TDRD9: variants seen among roughly 807,000 people sequenced by gnomAD.
TDRD9 encodes the protein tudor domain containing 9, also known as ATP-dependent RNA helicase TDRD9.
TDRD9 carries 124 observed loss-of-function variants against 172.6 expected under a neutral mutation model. The ratio of observed to expected loss-of-function variants is 0.72; its 90% CI spans 0.62 to 0.83. The LOEUF is 0.83. TDRD9 is among the 40% of genes least tolerant of loss of function. The pLI, the probability that TDRD9 is intolerant of heterozygous loss-of-function variation, is 0.00. For synonymous variants in TDRD9, 619 were observed against 617.1 expected (o/e 1.00, Z -0.05); for missense variants, 1,479 against 1,714.1 (o/e 0.86, Z 2.42).
intron 30 of TDRD9, among the ~76,000 whole-genome samples, chr14:104,033,676 CG>C (rs1293588019): frequency 1.3e-5 from 2 of 152,066 alleles, no homozygotes; most frequent in Non-Finnish European, 2.9e-5. Context: ...GGTGGAGGTT[CG>C]GGCATCCCCA....
Position 104,017,343 on chromosome 14 carries a change from ATTC to A in TDRD9, c.2332-744_2332-742del, listed in dbSNP as rs368410623. Among the ~76,000 whole-genome samples the A allele has an allele frequency of 1.2e-3, 179 of 152,158 alleles. 3 individuals are homozygous for A. In the East Asian group the frequency reaches 0.026, roughly 22 times the overall value. On this transcript the variant is annotated intron_variant, in intron 22 of 35. Transcript: ENST00000409874. ...AGAGGCTGTGTGTTAGGTACTTTTC[ATTC>A]TTCTCTGAGCCTCACTCCACCCTTT...
intron 7 of TDRD9, among the ~76,000 whole-genome samples, chr14:103,984,314 G>A (rs1032079483): frequency 2.0e-5 from 3 of 152,184 alleles, no homozygotes; most frequent in Non-Finnish European, 4.4e-5. Flanking sequence ...AGGTCTTCAC[G>A]GCAGCCCCTC....
At chr14:103,996,375 GGAGA>G (rs1372262263) in intron 12 of TDRD9, among the ~76,000 whole-genome samples, 2 of 152,158 alleles carry the variant, frequency 1.3e-5, no homozygotes, top group Admixed American at 1.3e-4. Context: ...CGTTCTGGTG[GGAGA>G]GAGAGATGCT....
chr14:103,929,470 CCA>C (rs563743753), intron 1 of TDRD9, among the ~76,000 whole-genome samples: 26 of 152,198 alleles, frequency 1.7e-4, no homozygotes, highest in African/African-American at 5.8e-4. Flanking sequence ...TCTGGATGTA[CCA>C]CAGTTTATCT....
At chr14:103,995,514 G>A (rs990032277) in intron 11 of TDRD9, among the ~76,000 whole-genome samples, 2 of 152,160 alleles carry the variant, frequency 1.3e-5, no homozygotes, top group Non-Finnish European at 1.5e-5. Flanking sequence ...CCCTTTGCCC[G>A]TGTCTTGTCT....
chr14:103,959,311 A>G (rs79701321), intron 2 of TDRD9, among the ~76,000 whole-genome samples: 4 of 152,102 alleles, frequency 2.6e-5, no homozygotes, highest in Non-Finnish European at 4.4e-5. Flanking sequence ...TTGCCCAGGT[A>G]GGCCTTGAAC....
chr14:103,956,102 AAAAAAAAAAATATAT>A (rs1459490797), intron 2 of TDRD9, among the ~76,000 whole-genome samples: 3 of 57,280 alleles, frequency 5.2e-5, no homozygotes, highest in South Asian at 7.1e-4. Context: ...AAAAAAAAAA[AAAAAAAAAAATATAT>A]ATATATATAT....
chr14:103,993,366 T>G (rs1302679245), intron 9 of TDRD9, among the ~76,000 whole-genome samples: 1 of 152,230 alleles, frequency 6.6e-6, no homozygotes, highest in African/African-American at 2.4e-5. Flanking sequence ...TTAGGGTTAC[T>G]GTCCTTTTAA....
intron 30 of TDRD9, among the ~76,000 whole-genome samples, chr14:104,032,298 C>G (rs943969707): frequency 1.3e-5 from 2 of 152,112 alleles, no homozygotes; most frequent in Non-Finnish European, 2.9e-5. Context: ...CCTCCGCCTC[C>G]CAGATTCAAG....
At chr14:103,941,538 T>C (rs1475810677) in intron 1 of TDRD9, 2 of 1,535,444 alleles carry the variant, frequency 1.3e-6, no homozygotes, top group Non-Finnish European at 1.7e-6. Context: ...TTTTTTCACT[T>C]TTTGTTCATT....
In TDRD9 at chr14:104,008,430, AC is replaced by A; in HGVS notation, c.2071del (p.Arg691GlyfsTer2). 6.4e-7 allele frequency: 1 copy of A among 1,561,740 alleles called. No homozygotes were observed. Among genetic ancestry groups the A allele is most frequent in the Non-Finnish European group, 8.8e-7 (1 of 1,133,648 alleles). ...ATTTAAAGGATGAACTTAATTGGGG[AC>A]GGTTAAATTACATTCAAATCAAGAG... ...RYPKDELNWG[R>X]LNYIQIKRIR... On this transcript the variant is annotated frameshift_variant, in exon 20 of 36. Coordinates refer to ENST00000409874, the MANE Select transcript of TDRD9 (RefSeq NM_153046.3). LOFTEE classifies it high-confidence loss of function.
chr14:103,938,438 A>ATTTTT (rs1354196439), intron 1 of TDRD9, among the ~76,000 whole-genome samples: 184 of 41,712 alleles, frequency 4.4e-3, no homozygotes, highest in Non-Finnish European at 6.4e-3. Flanking sequence ...ATATATATAT[A>ATTTTT]TATTTTTTTT....
rs943087374 is a variant in TDRD9 at position 103,980,371 on chromosome 14, T to C, written c.1011+4818T>C. 5.3e-5 allele frequency among the ~76,000 whole-genome samples: 8 copies of C among 152,178 alleles called. No individual in the cohort carries two copies. The highest frequency in any genetic ancestry group is 8.8e-5 in the Non-Finnish European group (6 of 67,982). On this transcript the variant is annotated intron_variant, in intron 7 of 35. Coordinates refer to ENST00000409874, the MANE Select transcript of TDRD9 (RefSeq NM_153046.3). The surrounding 1 kb of genome is among the most constrained non-coding windows in gnomAD (Gnocchi z 4.5). ...AAGGTCATGTGGGTCACGTGTCGACTGGACAGGGGGCCCTTCCCTGCCTGG... is the reference window on the plus strand; with the variant it reads ...AAGGTCATGTGGGTCACGTGTCGACCGGACAGGGGGCCCTTCCCTGCCTGG...
intron 20 of TDRD9, 99 bp from the exon 21 acceptor site, chr14:104,014,626 G>T (rs2034726700): frequency 4.4e-6 from 3 of 674,258 alleles, no homozygotes; most frequent in Non-Finnish European, 7.9e-6. Context: ...CTGTAGCTGT[G>T]TTTATACTTT....
chr14:103,986,377 T>C (rs2033662022), intron 8 of TDRD9, 57 bp downstream of exon 8: 4 of 1,291,256 alleles, frequency 3.1e-6, no homozygotes, highest in Non-Finnish European at 4.3e-6. Flanking sequence ...TAAAAAATTA[T>C]TCATTTGGAA....
At chr14:103,999,643 A>ATT (rs1566771643) in intron 13 of TDRD9, among the ~76,000 whole-genome samples, 8 of 130,566 alleles carry the variant, frequency 6.1e-5, no homozygotes, top group East Asian at 2.2e-4. Flanking sequence ...TGTTTTTTAG[A>ATT]AAACCTTTTG....
intron 20 of TDRD9, among the ~76,000 whole-genome samples, chr14:104,009,346 G>A (rs1015958136): frequency 2.0e-5 from 3 of 152,134 alleles, no homozygotes; most frequent in Non-Finnish European, 4.4e-5. Flanking sequence ...CATCTACTCC[G>A]GCCTGTGGGA....
rs956605654 is a variant in TDRD9 at position 104,027,675 on chromosome 14, A to G, written c.3282+736A>G. Among the ~76,000 whole-genome samples the G allele has an allele frequency of 6.6e-5, 10 of 152,314 alleles. No individual in the cohort carries two copies. The South Asian group carries it at 1.4e-3, about 22-fold the overall frequency. ...AGTGAGGGTAATTAGCAAATCTGTCACCTCAGACATTTATTATTTCTTTGT... is the reference window on the plus strand; with the variant it reads ...AGTGAGGGTAATTAGCAAATCTGTCGCCTCAGACATTTATTATTTCTTTGT... On this transcript the variant is annotated intron_variant, in intron 28 of 35. Transcript: ENST00000409874.
intron 1 of TDRD9, among the ~76,000 whole-genome samples, chr14:103,937,211 A>T (rs1566722103): frequency 6.6e-6 from 1 of 152,192 alleles, no homozygotes; most frequent in Non-Finnish European, 1.5e-5. Context: ...CTGACTCTGC[A>T]TCTAGGCTTG....
Sources: gnomAD v4.1 joint callset for allele counts (sites outside exome capture counted in the v4.1 genomes callset) on GRCh38, gnomAD v4.1.1 for gene constraint, Gnocchi (gnomAD v3.1) non-coding constraint, MANE v1.5 for transcripts, NCBI Gene and HGNC (gene_info 2026-07-23, HGNC 2026-07-21) for gene names.